THADA: variants seen among roughly 807,000 people sequenced by gnomAD.
THADA encodes the protein tRNA (32-2'-O)-methyltransferase regulator THADA.
THADA carries 213 observed loss-of-function variants against 219.8 expected under a neutral mutation model. The ratio of observed to expected loss-of-function variants is 0.97; its 90% CI spans 0.87 to 1.09. The LOEUF (loss-of-function observed/expected upper bound fraction) is 1.09, where lower values mean the gene tolerates loss of function less well. THADA is among the 50% of genes least tolerant of loss of function. THADA has a pLI of 0.00. For missense variants in THADA, 2,956 were observed against 2,311.3 expected (o/e 1.28, Z -5.72); for synonymous variants, 1,018 against 828.9 (o/e 1.23, Z -3.92).
chr2:43,298,992 G>A (rs1572971511), intron 31 of THADA, among the ~76,000 whole-genome samples: 1 of 152,114 alleles, frequency 6.6e-6, no homozygotes, highest in East Asian at 1.9e-4. Flanking sequence ...TGTTGAAATG[G>A]TGCCATAAGT....
chr2:43,363,395 G>A (rs1669747298), intron 29 of THADA, among the ~76,000 whole-genome samples: 1 of 152,178 alleles, frequency 6.6e-6, no homozygotes, highest in South Asian at 2.1e-4. Context: ...GTGGTTGACT[G>A]AAATGCTGTT....
chr2:43,291,474 A>AAAAAAAAAAAAAAAAAAAAAAAC, intron 34 of THADA, among the ~76,000 whole-genome samples: 1 of 147,742 alleles, frequency 6.8e-6, no homozygotes, highest in African/African-American at 2.5e-5. Context: ...AAAAAAAAAA[A>AAAAAAAAAAAAAAAAAAAAAAAC]AAAAAAAATC....
rs1251286753 is a variant in THADA, at chr2:43,541,255, A to G, written c.3168T>C (p.Ser1056=). 8 of 1,612,632 alleles carry G rather than the reference A, an allele frequency of 5.0e-6. No individual in the cohort carries two copies. Among genetic ancestry groups the G allele is most frequent in the Non-Finnish European group, 6.8e-6 (8 of 1,179,398 alleles). ...AQMVLVCCWR[S]MKEVALLLGM... is the part of the protein sequence containing the mutation. Reference sequence around the variant, plus strand: ...CTAAAAGTAAAGCAACTTCCTTCATACTTCTCCAACAACATACCAGCACCA... The same window carrying G: ...CTAAAAGTAAAGCAACTTCCTTCATGCTTCTCCAACAACATACCAGCACCA... Residue 1056 remains serine, a synonymous_variant, in exon 21 of 38, where the codon AGT becomes AGC. Transcript: ENST00000405975.
At chr2:43,284,615 T>C (rs534743119) in intron 35 of THADA, among the ~76,000 whole-genome samples, 84 of 152,272 alleles carry the variant, frequency 5.5e-4, no homozygotes, top group Admixed American at 3.7e-3. Flanking sequence ...TAGGGCAATA[T>C]AGACGGGGAA....
At chr2:43,328,433 A>G (rs1679580691) in intron 30 of THADA, among the ~76,000 whole-genome samples, 1 of 152,148 alleles carries the variant, frequency 6.6e-6, no homozygotes, top group Non-Finnish European at 1.5e-5. Flanking sequence ...GTGAGTGTTT[A>G]TACTCACAGC....
In THADA at chr2:43,563,881, G is replaced by A. The variant is rs181281205; in HGVS notation, c.2311+2817C>T. 2.6e-5 allele frequency: 4 copies of A among 152,314 alleles called. No homozygotes were observed. The East Asian group carries it at 7.7e-4, about 29-fold the overall frequency. 9.4% of individuals were successfully genotyped at this position (152,314 alleles called of 1,614,324 possible). On this transcript the variant is annotated intron_variant, in intron 15 of 37. Coordinates refer to ENST00000405975, the MANE Select transcript of THADA (RefSeq NM_022065.5). ...GCCTCCTTTAAAAGTAATGCCTGCA[G>A]TATGGCTTGCTCCATTTGCATTACC... is the stretch of plus-strand genomic sequence containing the variant.
At chr2:43,411,044 T>C (rs1031190894) in intron 28 of THADA, among the ~76,000 whole-genome samples, 2 of 152,226 alleles carry the variant, frequency 1.3e-5, no homozygotes, top group African/African-American at 4.8e-5. Flanking sequence ...AGAATTAATG[T>C]TCCCTTGTGC....
At chr2:43,503,031 T>C (rs889257429) in intron 24 of THADA, among the ~76,000 whole-genome samples, 16 of 152,088 alleles carry the variant, frequency 1.1e-4, no homozygotes, top group Non-Finnish European at 4.4e-5. Flanking sequence ...AAAACACCAT[T>C]TCACACTAAG....
chr2:43,578,893 G>C (rs565712663), intron 8 of THADA, among the ~76,000 whole-genome samples: 1 of 152,272 alleles, frequency 6.6e-6, no homozygotes, highest in African/African-American at 2.4e-5. Context: ...GTGTAGTAGC[G>C]TGACCTCAGC....
chr2:43,238,194 AGAAG>A (rs1284544035), intron 36 of THADA, among the ~76,000 whole-genome samples: 3 of 147,310 alleles, frequency 2.0e-5, no homozygotes, highest in African/African-American at 4.9e-5. Context: ...AAGAAGGGAG[AGAAG>A]GAAGACTGGG....
At chr2:43,587,347 G>A (rs765895628) in intron 4 of THADA, among the ~76,000 whole-genome samples, 18 of 152,138 alleles carry the variant, frequency 1.2e-4, no homozygotes, top group African/African-American at 2.2e-4. Flanking sequence ...AGGTCCTCCC[G>A]ATACAATCTG....
chr2:43,494,614 C>T (rs1171767828), intron 25 of THADA, among the ~76,000 whole-genome samples: 1 of 152,114 alleles, frequency 6.6e-6, no homozygotes, highest in African/African-American at 2.4e-5. Flanking sequence ...CAGAACATAC[C>T]TGGATAACAG....
intron 21 of THADA, among the ~76,000 whole-genome samples, chr2:43,534,908 G>A (rs971014379): frequency 2.6e-5 from 4 of 152,080 alleles, no homozygotes; most frequent in Non-Finnish European, 5.9e-5. Flanking sequence ...GTAGTTTTTA[G>A]AGGAATCTCC....
intron 31 of THADA, among the ~76,000 whole-genome samples, chr2:43,295,724 CAG>C (rs10569550): frequency 0.18 from 27,175 of 151,988 alleles, 3,283 homozygotes; most frequent in African/African-American, 0.35. Context: ...ATTCAGGTAA[CAG>C]AAAAATTTAT....
At chr2:43,364,380 C>A (rs1252440071) in intron 29 of THADA, among the ~76,000 whole-genome samples, 1 of 152,170 alleles carries the variant, frequency 6.6e-6, no homozygotes, top group Admixed American at 6.5e-5. Flanking sequence ...TACTAACGTT[C>A]CCCAAATGTT....
intron 26 of THADA, among the ~76,000 whole-genome samples, chr2:43,479,890 C>G (rs1390161319): frequency 6.6e-6 from 1 of 152,202 alleles, no homozygotes; most frequent in East Asian, 1.9e-4. Context: ...ATCTTAAAGT[C>G]AACCCAAAAC....
At chr2:43,460,238 TAAAAAAAAAAAAAAA>T (rs10560565) in intron 26 of THADA, among the ~76,000 whole-genome samples, 5 of 63,514 alleles carry the variant, frequency 7.9e-5, no homozygotes, top group African/African-American at 2.4e-4. Context: ...TTTCTCTTAA[TAAAAAAAAAAAAAAA>T]AAAAAAAAAA....
intron 21 of THADA, 138 bp from the exon 22 acceptor site, chr2:43,528,126 C>CTTTTTTTTTTTTT (rs367822642): frequency 6.3e-6 from 1 of 158,436 alleles, no homozygotes; most frequent in Non-Finnish European, 1.2e-5. Flanking sequence ...ATGTTTTAAG[C>CTTTTTTTTTTTTT]TTTTTTTTTT....
intron 33 of THADA, 87 bp downstream of exon 33, chr2:43,292,017 G>T: frequency 1.1e-6 from 1 of 911,920 alleles, no homozygotes; most frequent in Non-Finnish European, 1.7e-6. Flanking sequence ...TGAGACCTGA[G>T]GGCAGGATTG....
Sources: allele counts gnomAD v4.1 joint callset (sites outside exome capture counted in the v4.1 genomes callset), GRCh38; gene constraint gnomAD v4.1.1; transcripts MANE v1.5; gene names NCBI Gene and HGNC (gene_info 2026-07-23, HGNC 2026-07-21).